Variants in ARID5B observed in about 807,000 individuals in gnomAD.
ARID5B encodes AT-rich interaction domain 5B.
A neutral mutation model predicts 97.2 loss-of-function variants in ARID5B; 13 were observed. That is an observed-to-expected ratio of 0.13 (90% confidence interval 0.09 to 0.21). ARID5B has a LOEUF of 0.21. ARID5B is among the 10% of genes least tolerant of loss of function. The pLI, the probability that ARID5B is intolerant of heterozygous loss-of-function variation, is 1.00. For synonymous variants in ARID5B, 556 were observed against 570.3 expected (o/e 0.97, Z 0.36); for missense variants, 1,210 against 1,465.3 (o/e 0.83, Z 2.84).
chr10:62,005,861 T>C lies in ARID5B; in HGVS notation c.733+5540T>C, dbSNP rs10994999. On this transcript the variant is annotated intron_variant, in intron 4 of 9. Transcript: ENST00000279873. ...TGGGAATTTGTAAGTGAGTAAACAT[T>C]TTTTTCCTTGCCGAAGTAGGTTTCA... Among the ~76,000 whole-genome samples the C allele has an allele frequency of 9.6e-3, 1,457 of 152,282 alleles. 44 individuals carry two copies. In the East Asian group the frequency reaches 0.096, roughly 10 times the overall value.
chr10:62,019,098 G>A (rs1317559522), intron 4 of ARID5B, among the ~76,000 whole-genome samples: 1 of 152,072 alleles, frequency 6.6e-6, no homozygotes, highest in East Asian at 1.9e-4. Flanking sequence ...GGAGGTGTTG[G>A]AGCTCTGGAT....
chr10:61,963,243 G>C (rs549359908), intron 3 of ARID5B, among the ~76,000 whole-genome samples: 4 of 152,112 alleles, frequency 2.6e-5, no homozygotes, highest in African/African-American at 9.7e-5. Context: ...TTTTCTGTAA[G>C]TTAAAAAAGA....
chr10:61,977,672 G>A lies in ARID5B; in HGVS notation c.503-22419G>A, dbSNP rs911379143. Reference sequence around the variant, plus strand: ...AAATGTCTTCTTTTGAGAAGTGTCTGTTCATATCCTTTGCCCACTTTTTGA... The same window carrying A: ...AAATGTCTTCTTTTGAGAAGTGTCTATTCATATCCTTTGCCCACTTTTTGA... On this transcript the variant is annotated intron_variant, in intron 3 of 9. Transcript: ENST00000279873. Among the ~76,000 whole-genome samples, 47 of 152,298 alleles carry A rather than the reference G, an allele frequency of 3.1e-4. 1 individual carries two copies. The highest frequency in any genetic ancestry group is 2.4e-4 in the Non-Finnish European group (16 of 68,020).
Position 62,092,693 on chromosome 10 carries a change from T to C in ARID5B, c.3230T>C (p.Ile1077Thr). Residue 1077 changes from isoleucine (I) to threonine (T), a missense_variant, in exon 10 of 10, where the codon ATC (isoleucine) becomes ACC (threonine). Coordinates refer to ENST00000279873, the MANE Select transcript of ARID5B (RefSeq NM_032199.3). ...EGHKLPLSSP[I>T]FPGLYSGSLC... ...CACAAGCTTCCCCTCTCCTCCCCTA[T>C]CTTCCCAGGTCTGTATTCCGGGAGC... 1 of 1,614,006 alleles carries C rather than the reference T, an allele frequency of 6.2e-7. No homozygotes were observed. Among genetic ancestry groups the C allele is most frequent in the Non-Finnish European group, 8.5e-7 (1 of 1,179,976 alleles).
intron 2 of ARID5B, among the ~76,000 whole-genome samples, chr10:61,917,181 T>A (rs927653802): frequency 2.0e-5 from 3 of 149,336 alleles, no homozygotes; most frequent in Admixed American, 6.7e-5. Context: ...AAAAAAAAAA[T>A]TAATTAAAAA....
chr10:62,076,278 G>A (rs1014683288), intron 8 of ARID5B, among the ~76,000 whole-genome samples: 1 of 152,252 alleles, frequency 6.6e-6, no homozygotes, highest in African/African-American at 2.4e-5. Context: ...GGTGGCTCAC[G>A]CCTATAATCC....
At chr10:61,924,327 G>A (rs1047603611) in intron 2 of ARID5B, among the ~76,000 whole-genome samples, 1 of 152,132 alleles carries the variant, frequency 6.6e-6, no homozygotes, top group African/African-American at 2.4e-5. Flanking sequence ...TTGCAAATTG[G>A]CTTTTGCATT....
intron 6 of ARID5B, 103 bp downstream of exon 6, chr10:62,057,421 G>A (rs532055967): frequency 4.2e-5 from 50 of 1,178,252 alleles, no homozygotes; most frequent in Non-Finnish European, 5.9e-5. Context: ...CCTAATCTGG[G>A]GATAGTGCTC....
At chr10:61,949,316 T>G (rs1008619637) in intron 3 of ARID5B, among the ~76,000 whole-genome samples, 5 of 152,252 alleles carry the variant, frequency 3.3e-5, no homozygotes, top group African/African-American at 1.2e-4. Context: ...AGCAGTTTGT[T>G]TTTTTACAGC....
At chr10:62,024,762 T>A in intron 4 of ARID5B, 1 of 394,208 alleles carries the variant, frequency 2.5e-6, no homozygotes, top group East Asian at 3.6e-5. Context: ...TTTTCACGGG[T>A]AGATATTGAT....
Position 62,095,838 on chromosome 10 carries a change from T to C in ARID5B, c.*2808T>C. 1.3e-5 allele frequency: 3 copies of C among 230,972 alleles called. No homozygotes were observed. The highest frequency in any genetic ancestry group is 2.2e-5 in the African/African-American group (1 of 45,332). The allele number at this position is 230,972 out of a possible 1,614,324, so 14.3% of individuals were successfully genotyped here. A position where few individuals can be genotyped will look rare whatever the true frequency, so the allele number is the denominator to read the frequency against. On this transcript the variant is annotated 3_prime_UTR_variant, in exon 10 of 10. Transcript: ENST00000279873. ...TCTTTGTGCAATCAAACCATTGTTATTGGTAGTTCTGTAAAGGAAACTGTG... is the reference window on the plus strand; with the variant it reads ...TCTTTGTGCAATCAAACCATTGTTACTGGTAGTTCTGTAAAGGAAACTGTG...
At chr10:62,079,913 CGTT>C (rs1223395417) in intron 8 of ARID5B, among the ~76,000 whole-genome samples, 3 of 152,132 alleles carry the variant, frequency 2.0e-5, no homozygotes, top group Non-Finnish European at 4.4e-5. Context: ...TATATTTCAT[CGTT>C]GTTAATAGTG....
At chr10:61,930,067 C>A (rs186578516) in intron 2 of ARID5B, among the ~76,000 whole-genome samples, 5 of 152,184 alleles carry the variant, frequency 3.3e-5, no homozygotes, top group Non-Finnish European at 1.5e-5. Context: ...TAGTCATGGG[C>A]TTTAGGGGTG....
intron 8 of ARID5B, among the ~76,000 whole-genome samples, chr10:62,074,312 A>G (rs1319159651): frequency 6.6e-6 from 1 of 152,242 alleles, no homozygotes; most frequent in Non-Finnish European, 1.5e-5. Context: ...TCTTGCACAC[A>G]TAATGCCTAA....
chr10:61,956,275 T>C (rs1292309369), intron 3 of ARID5B, among the ~76,000 whole-genome samples: 2 of 152,198 alleles, frequency 1.3e-5, no homozygotes, highest in Non-Finnish European at 2.9e-5. Context: ...GAACTGTGCA[T>C]GCACGTGATC....
At chr10:62,089,807 C>G (rs1197705522) in intron 9 of ARID5B, among the ~76,000 whole-genome samples, 3 of 152,072 alleles carry the variant, frequency 2.0e-5, no homozygotes, top group Admixed American at 2.0e-4. Flanking sequence ...AGATTACAGG[C>G]ACATCTTTTC....
intron 3 of ARID5B, among the ~76,000 whole-genome samples, chr10:61,976,299 C>T (rs1564617664): frequency 6.6e-6 from 1 of 152,154 alleles, no homozygotes; most frequent in African/African-American, 2.4e-5. Context: ...CCGCATGCAG[C>T]TATAATGGCA....
At chr10:61,943,555 A>G (rs1462205787) in intron 3 of ARID5B, among the ~76,000 whole-genome samples, 3 of 150,748 alleles carry the variant, frequency 2.0e-5, no homozygotes, top group African/African-American at 7.3e-5. Flanking sequence ...CCAACATGTT[A>G]TCGTTTTTTA....
At chr10:61,994,807 G>A (rs1298887183) in intron 3 of ARID5B, among the ~76,000 whole-genome samples, 4 of 96,970 alleles carry the variant, frequency 4.1e-5, no homozygotes, top group Non-Finnish European at 9.0e-5. Context: ...AGTCATTTTG[G>A]TTGAGCATTA....
Sources: allele counts gnomAD v4.1 joint callset (sites outside exome capture counted in the v4.1 genomes callset), GRCh38; gene constraint gnomAD v4.1.1; transcripts MANE v1.5; gene names NCBI Gene and HGNC (gene_info 2026-07-23, HGNC 2026-07-21).